The following GAB4 variants were observed in gnomAD, a reference collection of about 807,000 sequenced individuals.
GAB4 encodes GRB2 associated binding protein family member 4, also known as GRB2-associated-binding protein 4.
In GAB4, 26 loss-of-function variants were observed where a neutral mutation model predicts 51.3. That is an observed-to-expected ratio of 0.51 (90% confidence interval 0.37 to 0.70). The LOEUF (loss-of-function observed/expected upper bound fraction) is 0.70, where lower values mean the gene tolerates loss of function less well. GAB4 is among the 30% of genes least tolerant of loss of function. The pLI is 0.00. For missense variants in GAB4, 759 were observed against 734.6 expected (o/e 1.03, Z -0.38); for synonymous variants, 329 against 291.2 (o/e 1.13, Z -1.32).
intron 5 of GAB4, 82 bp downstream of exon 5, chr22:16,968,216 G>A: frequency 1.0e-6 from 1 of 962,042 alleles, no homozygotes; most frequent in Non-Finnish European, 1.7e-6. Flanking sequence ...GTCACCCTTT[G>A]GGGGATGTGC....
At chr22:16,992,691 C>T (rs548914699) in intron 1 of GAB4, among the ~76,000 whole-genome samples, 1 of 152,296 alleles carries the variant, frequency 6.6e-6, no homozygotes, top group Admixed American at 6.5e-5. Context: ...AGAAACCCTT[C>T]TAAAACTTCT....
At chr22:16,979,352 G>A (rs181730310) in intron 3 of GAB4, among the ~76,000 whole-genome samples, 5 of 152,258 alleles carry the variant, frequency 3.3e-5, no homozygotes, top group Middle Eastern at 3.4e-3. Context: ...AAAAATCCAC[G>A]TGCAAAAATC....
chr22:16,965,156 G>A (rs1433051659), intron 7 of GAB4, 22 bp downstream of exon 7: 6 of 1,589,392 alleles, frequency 3.8e-6, no homozygotes, highest in Non-Finnish European at 4.3e-6. Context: ...CCAAGCTCCT[G>A]TTTCCACTGA....
intron 6 of GAB4, among the ~76,000 whole-genome samples, chr22:16,965,630 C>T (rs1313442726): frequency 6.6e-6 from 1 of 152,228 alleles, no homozygotes; most frequent in Non-Finnish European, 1.5e-5. Context: ...CCCTGCTTGC[C>T]TTGGACAGGG....
chr22:17,004,022 C>T (rs1209530285), intron 1 of GAB4, among the ~76,000 whole-genome samples: 2 of 152,114 alleles, frequency 1.3e-5, no homozygotes, highest in South Asian at 2.1e-4. Flanking sequence ...ATACAAACTA[C>T]CATCAGAGAA....
chr22:16,986,171 C>T (rs1402595728), intron 3 of GAB4, among the ~76,000 whole-genome samples: 1 of 152,178 alleles, frequency 6.6e-6, no homozygotes, highest in Non-Finnish European at 1.5e-5. Flanking sequence ...GTATACCAAG[C>T]CTTCTACATA....
At position 16,966,311 on chromosome 22, in the gene GAB4, A is replaced by C; in HGVS notation, c.1077T>G (p.Cys359Trp). ...LSDSIASEGSCVPMNPGSPTL... is the reference protein window; with the variant it reads ...LSDSIASEGSWVPMNPGSPTL... ...TAGGGGAGCCTGGGTTCATGGGCAC[A>C]CAGCTGCCCTCAGAAGCAATGCTGT... is the stretch of plus-strand genomic sequence containing the variant. Residue 359 changes from cysteine (C) to tryptophan (W), a missense_variant, in exon 6 of 10, where the codon TGT (cysteine) becomes TGG (tryptophan). Physicochemically the swap from Cys to Trp is radical, Grantham distance 215. Coordinates refer to ENST00000400588, the MANE Select transcript of GAB4 (RefSeq NM_001037814.1). 6.2e-7 allele frequency: 1 copy of C among 1,613,622 alleles called. No homozygotes were observed. The highest frequency in any genetic ancestry group is 1.1e-5 in the South Asian group (1 of 91,078).
At position 16,964,754 on chromosome 22, in the gene GAB4, C is replaced by G. The variant is rs1300320828; in HGVS notation, c.1476+12G>C. On this transcript the variant is annotated intron_variant, in intron 8 of 9. Transcript: ENST00000400588. ...TCTGATAGGAGCCTTACAGTGACCC[C>G]CAAGGACTCACCGGGAAAAGATACC... is the stretch of plus-strand genomic sequence containing the variant. The G allele has an allele frequency of 6.3e-7, 1 of 1,592,276 alleles. No homozygotes were observed. Among genetic ancestry groups the G allele is most frequent in the Admixed American group, 1.7e-5 (1 of 59,942 alleles).
intron 3 of GAB4, among the ~76,000 whole-genome samples, chr22:16,971,352 C>T (rs751082629): frequency 5.9e-5 from 9 of 152,296 alleles, no homozygotes; most frequent in Non-Finnish European, 1.0e-4. Context: ...CACGACCCAG[C>T]GTCACAGTGA....
intron 3 of GAB4, among the ~76,000 whole-genome samples, chr22:16,978,673 C>T (rs1393798794): frequency 2.6e-5 from 4 of 151,976 alleles, no homozygotes; most frequent in African/African-American, 9.7e-5. Flanking sequence ...TCCTCCCTAA[C>T]TCATTTTGTG....
At chr22:16,988,421 G>T (rs1264424933) in intron 2 of GAB4, among the ~76,000 whole-genome samples, 1 of 152,188 alleles carries the variant, frequency 6.6e-6, no homozygotes, top group Non-Finnish European at 1.5e-5. Flanking sequence ...ACTCCCAGAC[G>T]GCGTGGTTCC....
intron 1 of GAB4, among the ~76,000 whole-genome samples, chr22:16,995,541 C>CA (rs939249475): frequency 2.0e-5 from 3 of 152,346 alleles, no homozygotes; most frequent in Non-Finnish European, 2.9e-5. Flanking sequence ...CAGGGGTTGA[C>CA]AGACAACTCA....
At chr22:16,962,908 A>G (rs1237977975) in intron 9 of GAB4, 32 bp from the exon 10 acceptor site, 2 of 1,592,066 alleles carry the variant, frequency 1.3e-6, no homozygotes, top group Non-Finnish European at 1.7e-6. Flanking sequence ...TGGGAGTGGC[A>G]GTGTCTGTGA....
chr22:16,962,935 G>A (rs1281019264), intron 9 of GAB4, 59 bp from the exon 10 acceptor site: 3 of 1,532,294 alleles, frequency 2.0e-6, no homozygotes, highest in Non-Finnish European at 2.7e-6. Flanking sequence ...GGTGAGGAAG[G>A]GCAGGCCAAG....
chr22:16,968,264 C>T, intron 5 of GAB4, 34 bp downstream of exon 5: 1 of 1,476,658 alleles, frequency 6.8e-7, no homozygotes, highest in African/African-American at 1.4e-5. Context: ...CCTCCCTGAG[C>T]CAGTCTGGGG....
At chr22:16,977,414 T>G (rs1221824010) in intron 3 of GAB4, among the ~76,000 whole-genome samples, 1 of 149,934 alleles carries the variant, frequency 6.7e-6, no homozygotes, top group Non-Finnish European at 1.5e-5. Context: ...CCAAGAAAGA[T>G]CAAAAGAGAC....
At chr22:16,985,460 T>G (rs2060859566) in intron 3 of GAB4, among the ~76,000 whole-genome samples, 1 of 152,264 alleles carries the variant, frequency 6.6e-6, no homozygotes, top group South Asian at 2.1e-4. Flanking sequence ...TCCAGAGTTT[T>G]GATTGTTCTT....
chr22:16,977,130 C>T (rs1011466165), intron 3 of GAB4, among the ~76,000 whole-genome samples: 12 of 152,146 alleles, frequency 7.9e-5, no homozygotes, highest in African/African-American at 2.7e-4. Flanking sequence ...TCAAAATAAC[C>T]AGCTAGCATC....
At chr22:16,999,512 C>G (rs1387740161) in intron 1 of GAB4, among the ~76,000 whole-genome samples, 2 of 152,076 alleles carry the variant, frequency 1.3e-5, no homozygotes, top group Non-Finnish European at 2.9e-5. Flanking sequence ...TTTATTGCAT[C>G]TATTTGATTC....
Sources: gnomAD v4.1 joint callset for allele counts (sites outside exome capture counted in the v4.1 genomes callset) on GRCh38, gnomAD v4.1.1 for gene constraint, MANE v1.5 for transcripts, NCBI Gene and HGNC (gene_info 2026-07-23, HGNC 2026-07-21) for gene names.